Variants in CASP2 observed in about 807,000 individuals in gnomAD.
CASP2 encodes the protein caspase 2.
A neutral mutation model predicts 54.4 loss-of-function variants in CASP2; 38 were observed. That is an observed-to-expected ratio of 0.70 (90% confidence interval 0.54 to 0.92). The LOEUF (loss-of-function observed/expected upper bound fraction) is 0.92, where lower values mean the gene tolerates loss of function less well. CASP2 is among the 40% of genes least tolerant of loss of function. The probability of loss-of-function intolerance (pLI) is 0.00; values close to 1 mark genes in which losing one functional copy is unlikely to be tolerated. For missense variants in CASP2, 512 were observed against 579.6 expected, an observed-to-expected ratio of 0.88 and a Z score of 1.20; for synonymous variants, 215 against 216.3, an observed-to-expected ratio of 0.99 and a Z score of 0.05.
rs780070521 is a variant in CASP2 at position 143,303,796 on chromosome 7, G to C, written c.980G>C (p.Arg327Pro). The change falls in exon 9 of 11, where the codon CGT becomes CCT. Residue 327 changes from arginine (R) to proline (P), a missense_variant. Transcript: ENST00000310447. ...IQACRGDETD[R>P]GVDQQDGKNH... Reference sequence around the variant, plus strand: ...GCCTTTGTTACAGATGAGACTGATCGTGGGGTTGACCAACAAGATGGAAAG... The same window carrying C: ...GCCTTTGTTACAGATGAGACTGATCCTGGGGTTGACCAACAAGATGGAAAG... 1.6e-5 allele frequency: 26 copies of C among 1,613,702 alleles called. No individual in the cohort carries two copies. Among genetic ancestry groups the C allele is most frequent in the Non-Finnish European group, 2.2e-5 (26 of 1,179,848 alleles).
Position 143,305,241 on chromosome 7 carries a change from A to G in CASP2, c.*170A>G. The stretch of plus-strand genomic sequence containing the variant: ...TCTCTGCCTTTGAGTGTGGGACTCC[A>G]GGCCAGCTCCTTTTCTGTGAAGCCC... On this transcript the variant is annotated 3_prime_UTR_variant, in exon 11 of 11. Transcript: ENST00000310447. The G allele has an allele frequency of 1.2e-6, 1 of 824,490 alleles. No homozygotes were observed. The highest frequency in any genetic ancestry group is 1.5e-5 in the South Asian group (1 of 67,600). The allele number at this position is 824,490 out of a possible 1,614,324, so 51.1% of individuals were successfully genotyped here.
rs181807692 is a variant in CASP2 at position 143,294,531 on chromosome 7, T to A, written c.571-66T>A. 3.8e-4 allele frequency: 545 copies of A among 1,448,586 alleles called. 7 individuals carry two copies. In the African/African-American group the frequency reaches 6.4e-3, roughly 17 times the overall value. The allele number at this position is 1,448,586 out of a possible 1,614,324, so 89.7% of individuals were successfully genotyped here. On this transcript the variant is annotated intron_variant, in intron 5 of 10. Coordinates refer to ENST00000310447, the MANE Select transcript of CASP2 (RefSeq NM_032982.4). Reference sequence around the variant, plus strand: ...ACGATGTCTTTGTTTTCTTGAAATGTCTAATCTAGCCGAGGAATCATCTGT... The same window carrying A: ...ACGATGTCTTTGTTTTCTTGAAATGACTAATCTAGCCGAGGAATCATCTGT...
chr7:143,296,153 G>T (rs951209705), intron 6 of CASP2, among the ~76,000 whole-genome samples: 1 of 152,208 alleles, frequency 6.6e-6, no homozygotes, highest in African/African-American at 2.4e-5. Flanking sequence ...CTCAGAGACT[G>T]TCAGATTTGG....
At position 143,305,428 on chromosome 7, in the gene CASP2, T is replaced by C. The variant is rs981169395; in HGVS notation, c.*357T>C. ...GTTCCAGCTTTTGTAGATGGCACTT[T>C]AGTGATTGCTTTTATTACATTAGTT... On this transcript the variant is annotated 3_prime_UTR_variant, in exon 11 of 11. Coordinates refer to ENST00000310447, the MANE Select transcript of CASP2 (RefSeq NM_032982.4). 5.3e-6 allele frequency: 2 copies of C among 374,688 alleles called. No homozygotes were observed. Among genetic ancestry groups the C allele is most frequent in the Middle Eastern group, 8.7e-4 (1 of 1,156 alleles). The allele number at this position is 374,688 out of a possible 1,614,324, so 23.2% of individuals were successfully genotyped here.
intron 8 of CASP2, chr7:143,303,139 AAAAT>A (rs1801963914): frequency 6.6e-6 from 1 of 152,102 alleles, no homozygotes; most frequent in Non-Finnish European, 1.5e-5. Context: ...GTTATTTTAA[AAAAT>A]AAATTAAAAA....
intron 4 of CASP2, among the ~76,000 whole-genome samples, chr7:143,293,736 G>A (rs2116773336): frequency 6.6e-6 from 1 of 152,230 alleles, no homozygotes; most frequent in African/African-American, 2.4e-5. Context: ...TGATCTGCCT[G>A]CCTCGGCCTC....
chr7:143,293,041 G>T, intron 4 of CASP2: 1 of 601,142 alleles, frequency 1.7e-6, no homozygotes, highest in East Asian at 2.8e-5. Flanking sequence ...ATAAAAAGGA[G>T]GGGGGTGTCC....
chr7:143,289,257 T>G (rs540490901), intron 1 of CASP2, among the ~76,000 whole-genome samples: 1 of 152,328 alleles, frequency 6.6e-6, no homozygotes, highest in African/African-American at 2.4e-5. Flanking sequence ...CTTCCAGTTG[T>G]GTCCTGAAAT....
At chr7:143,293,549 G>T (rs772837112) in intron 4 of CASP2, among the ~76,000 whole-genome samples, 1 of 149,790 alleles carries the variant, frequency 6.7e-6, no homozygotes, top group African/African-American at 2.5e-5. Flanking sequence ...TTGCTCTGTC[G>T]TCCAGGCTGT....
At chr7:143,291,946 T>A (rs775817080) in intron 2 of CASP2, among the ~76,000 whole-genome samples, 1 of 151,948 alleles carries the variant, frequency 6.6e-6, no homozygotes, top group African/African-American at 2.4e-5. Flanking sequence ...GCCTGGCTAA[T>A]TTTTTGGATT....
intron 6 of CASP2, 42 bp downstream of exon 6, chr7:143,294,815 G>A (rs1419984693): frequency 1.3e-6 from 2 of 1,537,834 alleles, no homozygotes; most frequent in South Asian, 1.1e-5. Context: ...TTAGAGGACT[G>A]AACAACACTT....
At position 143,288,513 on chromosome 7, in the gene CASP2, G is replaced by C. The variant is rs773366583; in HGVS notation, c.58G>C (p.Ala20Pro). 2 of 1,613,236 alleles carry C rather than the reference G, an allele frequency of 1.2e-6. No homozygotes were observed. Among genetic ancestry groups the C allele is most frequent in the East Asian group, 4.5e-5 (2 of 44,876 alleles). Residue 20 changes from alanine (A) to proline (P), a missense_variant, in exon 1 of 11, where the codon GCT becomes CCT. This residue lies in a region of CASP2 where 89 missense variants were observed against 67.1 expected (regional missense o/e 1.33). Coordinates refer to ENST00000310447, the MANE Select transcript of CASP2 (RefSeq NM_032982.4). ...STFQHKELMA[A>P]DRGRRILGVC... ...CTTCCAGCACAAGGAGCTGATGGCC[G>C]CTGACAGGGGACGCAGGTAAGTAGG...
intron 1 of CASP2, among the ~76,000 whole-genome samples, chr7:143,288,813 C>A (rs1420309133): frequency 6.6e-6 from 1 of 152,214 alleles, no homozygotes; most frequent in African/African-American, 2.4e-5. Flanking sequence ...GCAGTCCTGC[C>A]CGCTCTTGGG....
At chr7:143,294,410 T>A in intron 5 of CASP2, 86 bp downstream of exon 5, 1 of 1,073,762 alleles carries the variant, frequency 9.3e-7, no homozygotes, top group Non-Finnish European at 1.4e-6. Context: ...GCATGTACAT[T>A]TCCTTTCTGC....
At position 143,304,655 on chromosome 7, in the gene CASP2, A is replaced by C; in HGVS notation, c.1118-19A>C. ...GTGTGATGGCATTCACACTGTGATTAATGCCCTTTTGGTTGCAGGGACTGC... is the reference window on the plus strand; with the variant it reads ...GTGTGATGGCATTCACACTGTGATTCATGCCCTTTTGGTTGCAGGGACTGC... On this transcript the variant is annotated intron_variant, in intron 9 of 10. Transcript: ENST00000310447. 2 of 1,587,766 alleles carry C rather than the reference A, an allele frequency of 1.3e-6. No homozygotes were observed. Among genetic ancestry groups the C allele is most frequent in the Non-Finnish European group, 1.7e-6 (2 of 1,156,260 alleles).
chr7:143,289,713 G>A (rs1272361842), intron 1 of CASP2: 3 of 548,466 alleles, frequency 5.5e-6, no homozygotes, highest in African/African-American at 4.1e-5. Context: ...TGACGTATTC[G>A]AAAGTGATTC....
rs150597932 is a variant in CASP2, at chr7:143,300,809, C to T, written c.967+515C>T. 3.2e-4 allele frequency: 369 copies of T among 1,160,718 alleles called. 3 individuals are homozygous for T. In the African/African-American group the frequency reaches 5.3e-3, roughly 17 times the overall value. The allele number at this position is 1,160,718 out of a possible 1,614,324, so 71.9% of individuals were successfully genotyped here. On this transcript the variant is annotated intron_variant, in intron 8 of 10. Coordinates refer to ENST00000310447, the MANE Select transcript of CASP2 (RefSeq NM_032982.4). ...TCATGCAGGATAGCAGAACAGAATC[C>T]GTGTTGGCCTTTGACTCTTCCTTTT...
chr7:143,299,173 C>T (rs1801843441), intron 6 of CASP2, among the ~76,000 whole-genome samples: 1 of 151,952 alleles, frequency 6.6e-6, no homozygotes, highest in Non-Finnish European at 1.5e-5. Flanking sequence ...CAGGCCAAGT[C>T]CTTTGTCATA....
intron 6 of CASP2, among the ~76,000 whole-genome samples, chr7:143,295,922 G>A (rs1801731815): frequency 6.6e-6 from 1 of 152,208 alleles, no homozygotes; most frequent in Non-Finnish European, 1.5e-5. Context: ...GGCATAAAGG[G>A]GCAAAGGGCA....
Sources: gnomAD v4.1 joint callset for allele counts (sites outside exome capture counted in the v4.1 genomes callset) on GRCh38, gnomAD v4.1.1 for gene constraint, gnomAD v4.1.1 regional missense constraint, MANE v1.5 for transcripts, NCBI Gene and HGNC (gene_info 2026-07-23, HGNC 2026-07-21) for gene names.